GSTM2: variants seen among roughly 807,000 people sequenced by gnomAD.
GSTM2 encodes GST class-mu 2.
In GSTM2, 33 loss-of-function variants were observed where a neutral mutation model predicts 33.3. That is an observed-to-expected ratio of 0.99 (90% CI 0.75 to 1.33). GSTM2 has a LOEUF of 1.33. Ranked by LOEUF, GSTM2 falls within the 40% of genes most tolerant of loss-of-function variation. GSTM2 has a pLI of 0.00. For missense variants in GSTM2, 213 were observed against 265.8 expected (o/e 0.80, Z 1.38); for synonymous variants, 93 against 95.6 (o/e 0.97, Z 0.16).
chr1:109,676,491 A>G (rs1428020581), downstream of GSTM2, among the ~76,000 whole-genome samples: 1 of 152,052 alleles, frequency 6.6e-6, no homozygotes, highest in Non-Finnish European at 1.5e-5. Context: ...AGCTGGGACT[A>G]CAGGCGTGCA....
chr1:109,674,522 C>T (rs574129559), intron 7 of GSTM2, among the ~76,000 whole-genome samples: 1 of 152,268 alleles, frequency 6.6e-6, no homozygotes, highest in Non-Finnish European at 1.5e-5. Flanking sequence ...CGTGTAGAAT[C>T]TTCATAAGTG....
intron 7 of GSTM2, chr1:109,673,313 C>A: frequency 6.3e-7 from 1 of 1,578,530 alleles, no homozygotes; most frequent in Non-Finnish European, 8.6e-7. Context: ...GATGACAGCC[C>A]CATCCTGGAA....
downstream of GSTM2, among the ~76,000 whole-genome samples, chr1:109,678,809 C>G (rs1355443641): frequency 6.6e-6 from 1 of 151,720 alleles, no homozygotes; most frequent in African/African-American, 2.4e-5. Flanking sequence ...ATATGCATGC[C>G]TACTTCTAAT....
At chr1:109,677,948 A>G (rs763417065), downstream of GSTM2, among the ~76,000 whole-genome samples, 1 of 152,180 alleles carries the variant, frequency 6.6e-6, no homozygotes, top group Non-Finnish European at 1.5e-5. Context: ...TCACTGATGT[A>G]ACAGGTGTTT....
At chr1:109,671,748 C>A (rs72705222) in intron 7 of GSTM2, among the ~76,000 whole-genome samples, 165 bp downstream of exon 7, 1 of 152,062 alleles carries the variant, frequency 6.6e-6, no homozygotes, top group African/African-American at 2.4e-5. Flanking sequence ...AGGCAGATCA[C>A]CTGTGGTTAG....
downstream of GSTM2, among the ~76,000 whole-genome samples, chr1:109,679,622 T>C (rs71665037): frequency 2.0e-5 from 3 of 152,348 alleles, no homozygotes; most frequent in East Asian, 5.8e-4. Context: ...CATTCTCTAC[T>C]GGTGGCTTAG....
At chr1:109,669,843 C>T (rs1570627793) in intron 5 of GSTM2, 3 of 442,794 alleles carry the variant, frequency 6.8e-6, no homozygotes, top group South Asian at 3.1e-5. Flanking sequence ...CGCAGACCTT[C>T]GCAGTGAGTG....
At chr1:109,677,574 C>T (rs1647736263), downstream of GSTM2, among the ~76,000 whole-genome samples, 1 of 152,178 alleles carries the variant, frequency 6.6e-6, no homozygotes, top group Non-Finnish European at 1.5e-5. Flanking sequence ...CAATCTCATT[C>T]CACTTACACG....
intron 7 of GSTM2, 112 bp from the exon 8 acceptor site, chr1:109,674,635 C>G: frequency 7.5e-7 from 1 of 1,326,730 alleles, no homozygotes; most frequent in Non-Finnish European, 1.1e-6. Flanking sequence ...GCACTTGAGC[C>G]CACATGGAAA....
In GSTM2 at chr1:109,672,280, C is replaced by CA. The variant is rs776611358; in HGVS notation, c.567+700dup. The stretch of plus-strand genomic sequence containing the variant: ...GGGCAACAAGAGTGAAACTCCATCT[C>CA]AAACAAAAAAAAGAAGAAAAGAATA... On this transcript the variant is annotated intron_variant, in intron 7 of 7. Coordinates refer to ENST00000241337, the MANE Select transcript of GSTM2 (RefSeq NM_000848.4). Among the ~76,000 whole-genome samples the CA allele has an allele frequency of 9.9e-3, 1,440 of 145,880 alleles. 12 individuals are homozygous for CA. The highest frequency in any genetic ancestry group is 0.021 in the African/African-American group (841 of 39,742).
rs551876028 is a variant in GSTM2, at chr1:109,668,244, T to C, written c.36+93T>C. 2.1e-6 allele frequency: 3 copies of C among 1,412,472 alleles called. No individual in the cohort carries two copies. The Admixed American group carries it at 5.2e-5, about 25-fold the overall frequency. 87.5% of individuals were successfully genotyped at this position (1,412,472 alleles called of 1,614,324 possible). On this transcript the variant is annotated intron_variant, in intron 1 of 7. Transcript: ENST00000241337. Reference sequence around the variant, plus strand: ...GGACGGGCTCTAGGGACGGTTCCTCTTCAGGGCTGTCCCTGACAGCGGGGT... The same window carrying C: ...GGACGGGCTCTAGGGACGGTTCCTCCTCAGGGCTGTCCCTGACAGCGGGGT...
At chr1:109,671,643 C>G in intron 7 of GSTM2, 60 bp downstream of exon 7, 1 of 975,286 alleles carries the variant, frequency 1.0e-6, no homozygotes, top group Non-Finnish European at 1.7e-6. Context: ...CTTTGTGATG[C>G]TTTCCCAGTC....
chr1:109,676,125 T>C (rs1301394081), downstream of GSTM2, among the ~76,000 whole-genome samples: 2 of 152,214 alleles, frequency 1.3e-5, no homozygotes, highest in African/African-American at 2.4e-5. Context: ...ACTGCCCCCA[T>C]GATGGAGTTT....
Position 109,668,920 on chromosome 1 carries a change from C to G in GSTM2, c.113-5C>G, listed in dbSNP as rs765775699. The G allele has an allele frequency of 8.7e-6, 14 of 1,612,264 alleles. No individual in the cohort carries two copies. Among genetic ancestry groups the G allele is most frequent in the East Asian group, 2.2e-5 (1 of 44,884 alleles). Reference sequence around the variant, plus strand: ...TTTGTTTTCACTTCATCTTCCCCACCACAGCTCCTGATTATGACAGAAGCC... The same window carrying G: ...TTTGTTTTCACTTCATCTTCCCCACGACAGCTCCTGATTATGACAGAAGCC... On this transcript the variant is annotated splice_region_variant and splice_polypyrimidine_tract_variant and intron_variant, in intron 2 of 7. Transcript: ENST00000241337.
chr1:109,668,093 C>T lies in GSTM2; in HGVS notation c.-23C>T, dbSNP rs1194134797. 2.5e-6 allele frequency: 4 copies of T among 1,613,348 alleles called. No homozygotes were observed. The highest frequency in any genetic ancestry group is 2.5e-6 in the Non-Finnish European group (3 of 1,179,392). ...GCCCCGCCCCGCTGAGGCCTGTCTGCAGAATCCACAGCAACCAGCACCATG... is the reference window on the plus strand; with the variant it reads ...GCCCCGCCCCGCTGAGGCCTGTCTGTAGAATCCACAGCAACCAGCACCATG... On this transcript the variant is annotated 5_prime_UTR_variant, in exon 1 of 8. Transcript: ENST00000241337.
At chr1:109,671,180 A>G (rs551481769) in intron 5 of GSTM2, 107 bp from the exon 6 acceptor site, 79 of 756,644 alleles carry the variant, frequency 1.0e-4, no homozygotes, top group Non-Finnish European at 2.9e-5. Flanking sequence ...GCTGTGGGGA[A>G]GATGACTGCT....
chr1:109,674,246 C>A (rs978388231), intron 7 of GSTM2, among the ~76,000 whole-genome samples: 2 of 151,960 alleles, frequency 1.3e-5, no homozygotes, highest in African/African-American at 2.4e-5. Flanking sequence ...ACTGTTTGTG[C>A]AGTCAAGGAG....
chr1:109,682,785 A>G (rs1647884224), intron 7 of GSTM2, among the ~76,000 whole-genome samples: 1 of 124,960 alleles, frequency 8.0e-6, no homozygotes, highest in Admixed American at 7.8e-5. Context: ...TGAAGAAAAG[A>G]TTCTTTATAT....
downstream of GSTM2, among the ~76,000 whole-genome samples, chr1:109,676,888 G>C (rs143231499): frequency 1.3e-5 from 2 of 152,310 alleles, no homozygotes; most frequent in East Asian, 3.9e-4. Context: ...CAGTTCCTAA[G>C]CTGTGATACC....
Sources: gnomAD v4.1 joint callset for allele counts (sites outside exome capture counted in the v4.1 genomes callset) on GRCh38, gnomAD v4.1.1 for gene constraint, MANE v1.5 for transcripts, NCBI Gene and HGNC (gene_info 2026-07-23, HGNC 2026-07-21) for gene names.